The following PARK7 variants were observed in gnomAD, a reference collection of about 807,000 sequenced individuals.
The protein encoded by PARK7 is Parkinsonism associated deglycase, also known as Parkinson disease protein 7.
In PARK7, 14 loss-of-function variants were observed where a neutral mutation model predicts 20.5. That is an observed-to-expected ratio of 0.68 (90% confidence interval 0.45 to 1.07). The LOEUF is 1.07. Ranked by LOEUF, PARK7 falls within the 50% of genes least tolerant of loss-of-function variation. The pLI, the probability that PARK7 is intolerant of heterozygous loss-of-function variation, is 0.00. For synonymous variants in PARK7, 98 were observed against 84.3 expected (o/e 1.16, Z -0.89); for missense variants, 234 against 238.1 (o/e 0.98, Z 0.11).
chr1:7,974,553 T>C (rs1230896864), intron 5 of PARK7, among the ~76,000 whole-genome samples: 1 of 150,618 alleles, frequency 6.6e-6, no homozygotes, highest in Non-Finnish European at 1.5e-5. Context: ...GGTGTGAACC[T>C]GGGGGGCAGA....
intron 2 of PARK7, 106 bp from the exon 3 acceptor site, chr1:7,965,218 G>T: frequency 9.9e-7 from 1 of 1,006,810 alleles, no homozygotes. Context: ...CTCTAGCCCA[G>T]GTGACAGGGT....
intron 6 of PARK7, among the ~76,000 whole-genome samples, chr1:7,982,282 C>T (rs762387615): frequency 2.1e-4 from 32 of 152,058 alleles, no homozygotes; most frequent in South Asian, 6.2e-4. Flanking sequence ...CCACTGCATC[C>T]GGCTTCCCAT....
rs149923653 is a variant in PARK7 at position 7,974,181 on chromosome 1, G to A, written c.322+3218G>A. On this transcript the variant is annotated intron_variant, in intron 5 of 6. Transcript: ENST00000338639. The stretch of plus-strand genomic sequence containing the variant: ...AAAAATATTTTAAAAAATCAGCCTG[G>A]TGTGGTGGTGCACACTTGTAGTCCC... Among the ~76,000 whole-genome samples, 626 of 148,050 alleles carry A rather than the reference G, an allele frequency of 4.2e-3. 2 individuals are homozygous for A. The highest frequency in any genetic ancestry group is 0.015 in the African/African-American group (601 of 40,784).
intron 3 of PARK7, among the ~76,000 whole-genome samples, chr1:7,966,434 A>AAGT (rs1640331203): frequency 6.6e-6 from 1 of 151,856 alleles, no homozygotes; most frequent in Non-Finnish European, 1.5e-5. Context: ...GCAGTGGCTC[A>AAGT]CCTGTAATCC....
At chr1:7,965,231 G>T in intron 2 of PARK7, 93 bp from the exon 3 acceptor site, 1 of 1,160,068 alleles carries the variant, frequency 8.6e-7, no homozygotes. Context: ...GACAGGGTGA[G>T]ACCCCATCTC....
At chr1:7,980,085 C>G (rs112703781) in intron 6 of PARK7, among the ~76,000 whole-genome samples, 7,238 of 147,804 alleles carry the variant, frequency 0.049, 561 homozygotes, top group African/African-American at 0.17. Flanking sequence ...GGCGTGAACC[C>G]AAGAGGTGGA....
intron 2 of PARK7, among the ~76,000 whole-genome samples, chr1:7,964,440 A>G (rs1190328326): frequency 6.6e-6 from 1 of 152,198 alleles, no homozygotes; most frequent in Non-Finnish European, 1.5e-5. Flanking sequence ...ATGAAGATAC[A>G]TGTCGATTAA....
rs990999189 is a variant in PARK7, at chr1:7,970,199, G to GA, written c.253-685dup. Among the ~76,000 whole-genome samples, 50 of 149,098 alleles carry GA rather than the reference G, an allele frequency of 3.4e-4. No homozygotes were observed. The Middle Eastern group carries it at 0.014, about 41-fold the overall frequency. Reference sequence around the variant, plus strand: ...AACAAAGCAAGAACCTGTCTTATCAGAAAAAAAAAATGTTGCCATGGAAGT... The same window carrying GA: ...AACAAAGCAAGAACCTGTCTTATCAGAAAAAAAAAAATGTTGCCATGGAAGT... On this transcript the variant is annotated intron_variant, in intron 4 of 6. Transcript: ENST00000338639.
At chr1:7,981,904 C>T (rs1403297704) in intron 6 of PARK7, among the ~76,000 whole-genome samples, 4 of 151,422 alleles carry the variant, frequency 2.6e-5, no homozygotes, top group Admixed American at 2.6e-4. Context: ...GTGATCTGCC[C>T]TCCTCGGCTT....
intron 6 of PARK7, among the ~76,000 whole-genome samples, chr1:7,981,860 G>A (rs1219068205): frequency 2.0e-5 from 3 of 150,838 alleles, no homozygotes; most frequent in Admixed American, 6.6e-5. Context: ...GGGTTTCATC[G>A]TGTTAGCCAG....
rs551478088 is a variant in PARK7 at position 7,968,321 on chromosome 1, AAAG to A, written c.193-1021_193-1019del. ...CTGTCTCAAAAAAAAAAAAAAAAGA[AAAG>A]AAAAATAAATAAATAAATAAAAAGT... On this transcript the variant is annotated intron_variant, in intron 3 of 6. Transcript: ENST00000338639. Among the ~76,000 whole-genome samples, 1,159 of 151,194 alleles carry A rather than the reference AAAG, an allele frequency of 7.7e-3. 14 individuals are homozygous for A. The highest frequency in any genetic ancestry group is 0.026 in the African/African-American group (1,090 of 41,208).
chr1:7,982,924 G>C (rs1234048571), intron 6 of PARK7: 2 of 152,236 alleles, frequency 1.3e-5, no homozygotes, highest in African/African-American at 4.8e-5. Context: ...AGAAAGAGTA[G>C]AACAAGGTGT....
At chr1:7,972,494 GTCTT>G (rs1640486309) in intron 5 of PARK7, among the ~76,000 whole-genome samples, 1 of 152,108 alleles carries the variant, frequency 6.6e-6, no homozygotes, top group Non-Finnish European at 1.5e-5. Context: ...TTTCTTCTCA[GTCTT>G]TCAGGAGTGA....
In PARK7 at chr1:7,984,078, C is replaced by T. The variant is rs1578106625; in HGVS notation, c.410-816C>T. Among the ~76,000 whole-genome samples the T allele has an allele frequency of 6.6e-6, 1 of 152,108 alleles. No homozygotes were observed. Among genetic ancestry groups the T allele is most frequent in the African/African-American group, 2.4e-5 (1 of 41,514 alleles). Reference sequence around the variant, plus strand: ...CCTCTCTGAGGGGTTTTTGTTGATGCTGAAACTGAAGGAGCAAGGAACTGG... The same window carrying T: ...CCTCTCTGAGGGGTTTTTGTTGATGTTGAAACTGAAGGAGCAAGGAACTGG... On this transcript the variant is annotated intron_variant, in intron 6 of 6. Coordinates refer to ENST00000338639, the MANE Select transcript of PARK7 (RefSeq NM_007262.5). This position sits in a 1 kb window ranked among gnomAD's most constrained non-coding sequence, Gnocchi z 4.3.
intron 2 of PARK7, among the ~76,000 whole-genome samples, chr1:7,964,269 G>A (rs1578091033): frequency 1.3e-5 from 2 of 152,118 alleles, no homozygotes; most frequent in Non-Finnish European, 2.9e-5. Context: ...CAACAATGTC[G>A]TGAGTTAGAT....
rs2235733 is a variant in PARK7 at position 7,984,845 on chromosome 1, T to C, written c.410-49T>C. On this transcript the variant is annotated intron_variant, in intron 6 of 6. Transcript: ENST00000338639. This position sits in a 1 kb window ranked among gnomAD's most constrained non-coding sequence, Gnocchi z 4.3. ...TTTAATTGGTAAGTAATCGTCTTTC[T>C]CGTCACATAGCCCATTAGGATGTCA... The C allele has an allele frequency of 2.7e-3, 4,378 of 1,605,406 alleles. 175 individuals are homozygous for C. The East Asian group carries it at 0.085, about 31-fold the overall frequency.
At chr1:7,980,704 T>C (rs766801422) in intron 6 of PARK7, among the ~76,000 whole-genome samples, 20 of 152,204 alleles carry the variant, frequency 1.3e-4, no homozygotes, top group Admixed American at 6.5e-5. Context: ...AAATGGATAC[T>C]TGAAATGTCT....
intron 6 of PARK7, among the ~76,000 whole-genome samples, chr1:7,979,954 TC>T (rs1640676091): frequency 6.6e-6 from 1 of 152,078 alleles, no homozygotes; most frequent in Admixed American, 6.6e-5. Flanking sequence ...GGTCAGGAGA[TC>T]GAGACCATCC....
At chr1:7,963,811 ATG>A (rs1640265208) in intron 2 of PARK7, among the ~76,000 whole-genome samples, 1 of 131,252 alleles carries the variant, frequency 7.6e-6, no homozygotes, top group Non-Finnish European at 1.6e-5. Flanking sequence ...GTATCCATGC[ATG>A]TGTGTCTTTT....
Sources: allele counts gnomAD v4.1 joint callset (sites outside exome capture counted in the v4.1 genomes callset), GRCh38; gene constraint gnomAD v4.1.1; non-coding constraint Gnocchi (gnomAD v3.1); transcripts MANE v1.5; gene names NCBI Gene and HGNC (gene_info 2026-07-23, HGNC 2026-07-21).